The following OXR1 variants were observed in gnomAD, a reference collection of about 807,000 sequenced individuals.
OXR1 encodes the protein oxidation resistance 1.
OXR1 carries 41 observed loss-of-function variants against 104.6 expected under a neutral mutation model. The observed-to-expected ratio is 0.39, with a 90% CI of 0.31 to 0.51. The LOEUF (loss-of-function observed/expected upper bound fraction) is 0.51. OXR1 is among the 20% of genes least tolerant of loss of function. OXR1 has a pLI of 0.77. For synonymous variants in OXR1, 348 were observed against 348.4 expected, an observed-to-expected ratio of 1.00 and a Z score of 0.01; for missense variants, 955 against 1,031.9, an observed-to-expected ratio of 0.93 and a Z score of 1.02.
intron 3 of OXR1, among the ~76,000 whole-genome samples, chr8:106,570,519 A>T (rs1044712231): frequency 1.3e-5 from 2 of 152,224 alleles, no homozygotes; most frequent in African/African-American, 4.8e-5. Context: ...TCAAATTGAT[A>T]TAAATAATAA....
chr8:106,604,499 T>C (rs1364327345), intron 3 of OXR1, among the ~76,000 whole-genome samples: 1 of 152,206 alleles, frequency 6.6e-6, no homozygotes, highest in Non-Finnish European at 1.5e-5. Flanking sequence ...TAGCTTTTTG[T>C]AAAATTCTAT....
intron 11 of OXR1, among the ~76,000 whole-genome samples, chr8:106,734,060 G>A (rs886205421): frequency 6.7e-6 from 1 of 149,406 alleles, no homozygotes; most frequent in African/African-American, 2.5e-5. Context: ...GCTTGATCTT[G>A]GCTCACTGCA....
chr8:106,306,875 T>C (rs1368300056), intron 1 of OXR1, among the ~76,000 whole-genome samples: 1 of 151,524 alleles, frequency 6.6e-6, no homozygotes, highest in Non-Finnish European at 1.5e-5. Context: ...GTGTAGATTT[T>C]ATGTAGATTT....
intron 1 of OXR1, among the ~76,000 whole-genome samples, chr8:106,293,194 A>G (rs1261889597): frequency 6.6e-6 from 1 of 152,244 alleles, no homozygotes; most frequent in Non-Finnish European, 1.5e-5. Flanking sequence ...AAATTTTGCT[A>G]TCTGGTCTGT....
At chr8:106,305,008 A>G (rs1813413890) in intron 1 of OXR1, among the ~76,000 whole-genome samples, 1 of 152,164 alleles carries the variant, frequency 6.6e-6, no homozygotes, top group African/African-American at 2.4e-5. Context: ...ACCTTTCTAC[A>G]TGACACTTAA....
At chr8:106,271,457 A>T (rs1475203754) in intron 1 of OXR1, among the ~76,000 whole-genome samples, 22 of 151,770 alleles carry the variant, frequency 1.4e-4, no homozygotes, top group Admixed American at 1.4e-3. Context: ...AGGCCACAGG[A>T]ATTCGTGGTC....
chr8:106,399,296 G>A (rs1817908962), intron 2 of OXR1, among the ~76,000 whole-genome samples: 1 of 152,124 alleles, frequency 6.6e-6, no homozygotes, highest in Admixed American at 6.6e-5. Context: ...TATTTTCTCA[G>A]TTTTATTGTA....
At position 106,730,510 on chromosome 8, in the gene OXR1, C is replaced by T. The variant is rs186632446; in HGVS notation, c.1957-7010C>T. Among the ~76,000 whole-genome samples, 257 of 152,246 alleles carry T rather than the reference C, an allele frequency of 1.7e-3. 1 individual carries two copies. Among genetic ancestry groups the T allele is most frequent in the African/African-American group, 6.1e-3 (252 of 41,550 alleles). ...GTAGCCTTTTCAGATTGGCTTCTTT[C>T]ACTTAGCAATTTTTATTTAAGACTC... On this transcript the variant is annotated intron_variant, in intron 11 of 16. Transcript: ENST00000517566.
intron 4 of OXR1, among the ~76,000 whole-genome samples, chr8:106,681,083 T>A (rs549516409): frequency 6.6e-6 from 1 of 152,218 alleles, no homozygotes; most frequent in South Asian, 2.1e-4. Flanking sequence ...ATCCTTTCTC[T>A]TTCTTGTTCC....
intron 7 of OXR1, among the ~76,000 whole-genome samples, chr8:106,698,804 G>A (rs1170425987): frequency 6.6e-6 from 1 of 151,522 alleles, no homozygotes; most frequent in Admixed American, 6.6e-5. Flanking sequence ...TTGTTTTAAC[G>A]TCTTTTTTTT....
At chr8:106,448,930 T>G (rs1229627241) in intron 2 of OXR1, among the ~76,000 whole-genome samples, 2 of 152,176 alleles carry the variant, frequency 1.3e-5, no homozygotes, top group Non-Finnish European at 2.9e-5. Flanking sequence ...TATTATGCTC[T>G]TATATAATTA....
intron 14 of OXR1, among the ~76,000 whole-genome samples, chr8:106,740,721 AACATTTGC>A (rs1318277799): frequency 6.6e-6 from 1 of 152,166 alleles, no homozygotes; most frequent in African/African-American, 2.4e-5. Flanking sequence ...GGTAGAAAAG[AACATTTGC>A]ACATACCAAC....
chr8:106,584,487 A>G (rs1330528510), intron 3 of OXR1, among the ~76,000 whole-genome samples: 1 of 152,124 alleles, frequency 6.6e-6, no homozygotes, highest in Non-Finnish European at 1.5e-5. Flanking sequence ...TTTCAAAGAA[A>G]AGATTCTTAA....
chr8:106,363,981 C>T (rs1195539643), intron 2 of OXR1, among the ~76,000 whole-genome samples: 1 of 151,932 alleles, frequency 6.6e-6, no homozygotes. Flanking sequence ...TGTATGCTCA[C>T]CCTTTTCCCA....
chr8:106,443,925 A>C (rs888862866), intron 2 of OXR1, among the ~76,000 whole-genome samples: 14 of 152,176 alleles, frequency 9.2e-5, no homozygotes, highest in Admixed American at 9.2e-4. Flanking sequence ...AATGGGAGAA[A>C]ATTTTTGAAA....
At chr8:106,416,062 T>C (rs1395483519) in intron 2 of OXR1, among the ~76,000 whole-genome samples, 1 of 152,076 alleles carries the variant, frequency 6.6e-6, no homozygotes, top group African/African-American at 2.4e-5. Flanking sequence ...AAAATGACAA[T>C]GTAGTCTGTA....
intron 2 of OXR1, among the ~76,000 whole-genome samples, chr8:106,391,580 T>C (rs895107972): frequency 1.3e-5 from 2 of 152,198 alleles, no homozygotes; most frequent in African/African-American, 4.8e-5. Context: ...TCTGTGTCCC[T>C]TTAGTTTTTT....
chr8:106,325,862 A>G (rs1458065444), intron 1 of OXR1, among the ~76,000 whole-genome samples: 1 of 152,224 alleles, frequency 6.6e-6, no homozygotes, highest in Non-Finnish European at 1.5e-5. Flanking sequence ...AGTTTACTAT[A>G]AGGTAAAATC....
chr8:106,698,696 T>C (rs1830310475), intron 7 of OXR1, among the ~76,000 whole-genome samples: 1 of 152,166 alleles, frequency 6.6e-6, no homozygotes, highest in East Asian at 1.9e-4. Flanking sequence ...ATCTCACACA[T>C]TGCAATTTTT....
Sources: gnomAD v4.1 joint callset for allele counts (sites outside exome capture counted in the v4.1 genomes callset) on GRCh38, gnomAD v4.1.1 for gene constraint, MANE v1.5 for transcripts, NCBI Gene and HGNC (gene_info 2026-07-23, HGNC 2026-07-21) for gene names.